NALF1: variants seen among roughly 807,000 people sequenced by gnomAD.
NALF1 encodes NALCN channel auxiliary factor 1.
A neutral mutation model predicts 48.4 loss-of-function variants in NALF1; 3 were observed. That is an observed-to-expected ratio of 0.06 (90% CI 0.03 to 0.16). The LOEUF is 0.16. Ranked by LOEUF, NALF1 falls within the 10% of genes least tolerant of loss-of-function variation. NALF1 has a pLI of 1.00. For missense variants in NALF1, 526 were observed against 571.5 expected (o/e 0.92, Z 0.81); for synonymous variants, 262 against 245.7 (o/e 1.07, Z -0.62).
chr13:107,212,722 A>C (rs544165615), intron 1 of NALF1, among the ~76,000 whole-genome samples: 4 of 152,338 alleles, frequency 2.6e-5, no homozygotes, highest in African/African-American at 9.6e-5. Flanking sequence ...GCTGTAGTAT[A>C]GGAATGAGCC....
rs1878721995 is a variant in NALF1, at chr13:107,168,746, T to C, written c.*1751A>G. 2.6e-5 allele frequency: 4 copies of C among 152,632 alleles called. No homozygotes were observed. Among genetic ancestry groups the C allele is most frequent in the Admixed American group, 2.6e-4 (4 of 15,282 alleles). The allele number at this position is 152,632 out of a possible 1,614,324, so 9.5% of individuals were successfully genotyped here. ...TTTTTTCAAAACAAAATATGCATAC[T>C]GTACGCATGTCGCAGGGTTAAGTAT... On this transcript the variant is annotated 3_prime_UTR_variant, in exon 3 of 3. Coordinates refer to ENST00000375915, the MANE Select transcript of NALF1 (RefSeq NM_001080396.3).
chr13:107,581,929 G>A (rs1003945057), intron 1 of NALF1, among the ~76,000 whole-genome samples: 2 of 152,030 alleles, frequency 1.3e-5, no homozygotes, highest in East Asian at 1.9e-4. Context: ...TTCAGCCTAT[G>A]GTGATCATTC....
intron 1 of NALF1, among the ~76,000 whole-genome samples, chr13:107,690,584 A>G (rs928028665): frequency 6.6e-6 from 1 of 152,214 alleles, no homozygotes; most frequent in Non-Finnish European, 1.5e-5. Flanking sequence ...TTAGGAAATG[A>G]AAGCTAGAGA....
rs181320934 is a variant in NALF1, at chr13:107,805,197, G to A, written c.915+60485C>T. ...AGTCTAATTATGTAACATTAAAAATGACATTAAGTACATTTTACTGTAAGT... is the reference window on the plus strand; with the variant it reads ...AGTCTAATTATGTAACATTAAAAATAACATTAAGTACATTTTACTGTAAGT... On this transcript the variant is annotated intron_variant, in intron 1 of 2. Transcript: ENST00000375915. 1.3e-5 allele frequency among the ~76,000 whole-genome samples: 2 copies of A among 152,204 alleles called. 1 individual carries two copies. Among genetic ancestry groups the A allele is most frequent in the African/African-American group, 4.8e-5 (2 of 41,538 alleles).
At chr13:107,386,317 A>G (rs1484246320) in intron 1 of NALF1, among the ~76,000 whole-genome samples, 1 of 152,226 alleles carries the variant, frequency 6.6e-6, no homozygotes, top group Non-Finnish European at 1.5e-5. Context: ...ACTGTAAGTC[A>G]AATTGCTTAG....
chr13:107,740,722 A>T (rs1335977597), intron 1 of NALF1, among the ~76,000 whole-genome samples: 1 of 152,238 alleles, frequency 6.6e-6, no homozygotes, highest in Admixed American at 6.5e-5. Flanking sequence ...ATAAATGGGC[A>T]TCATTTTCCA....
At chr13:107,396,223 A>G (rs568997321) in intron 1 of NALF1, among the ~76,000 whole-genome samples, 2 of 152,208 alleles carry the variant, frequency 1.3e-5, no homozygotes, top group African/African-American at 4.8e-5. Flanking sequence ...TTATGTCCTC[A>G]TCTAACCTCC....
intron 1 of NALF1, among the ~76,000 whole-genome samples, chr13:107,450,465 T>C (rs528050528): frequency 1.3e-5 from 2 of 152,168 alleles, no homozygotes; most frequent in East Asian, 3.9e-4. Flanking sequence ...TAGAGCTGTT[T>C]TTGCAGTGGG....
chr13:107,441,087 T>C (rs1351038640), intron 1 of NALF1, among the ~76,000 whole-genome samples: 14 of 152,302 alleles, frequency 9.2e-5, no homozygotes, highest in Non-Finnish European at 1.9e-4. Flanking sequence ...TTTGTATAAT[T>C]TGTCATATTG....
intron 1 of NALF1, among the ~76,000 whole-genome samples, chr13:107,393,113 T>C (rs1883654301): frequency 6.6e-6 from 1 of 152,042 alleles, no homozygotes; most frequent in Non-Finnish European, 1.5e-5. Flanking sequence ...TGAGGAAAAA[T>C]AAGCACGAAG....
At chr13:107,197,997 A>C (rs1313098556) in intron 2 of NALF1, among the ~76,000 whole-genome samples, 1 of 152,208 alleles carries the variant, frequency 6.6e-6, no homozygotes, top group Non-Finnish European at 1.5e-5. Context: ...AACCTTAAAT[A>C]TGAACCCATA....
At chr13:107,171,997 T>C (rs1350029712) in intron 2 of NALF1, among the ~76,000 whole-genome samples, 4 of 152,194 alleles carry the variant, frequency 2.6e-5, no homozygotes, top group Non-Finnish European at 5.9e-5. Flanking sequence ...TGCTTCAACC[T>C]AAACAATAAA....
intron 1 of NALF1, among the ~76,000 whole-genome samples, chr13:107,727,043 C>T (rs921703621): frequency 6.9e-6 from 1 of 145,642 alleles, no homozygotes; most frequent in Non-Finnish European, 1.5e-5. Flanking sequence ...AACTCCTGAC[C>T]TCATGATCCT....
chr13:107,587,071 G>C (rs1394889132), intron 1 of NALF1, among the ~76,000 whole-genome samples: 2 of 152,018 alleles, frequency 1.3e-5, no homozygotes, highest in African/African-American at 4.8e-5. Flanking sequence ...TCCTGGTTCT[G>C]AATGATACTT....
chr13:107,828,877 G>T (rs1594298903), intron 1 of NALF1, among the ~76,000 whole-genome samples: 1 of 152,124 alleles, frequency 6.6e-6, no homozygotes, highest in Middle Eastern at 3.4e-3. Flanking sequence ...AGCTTGGGGG[G>T]ACAGTACCAA....
At chr13:107,683,630 G>A (rs2138498041) in intron 1 of NALF1, among the ~76,000 whole-genome samples, 2 of 152,286 alleles carry the variant, frequency 1.3e-5, no homozygotes, top group South Asian at 4.1e-4. Context: ...GTGGCTGCTT[G>A]GTTTTGTCCT....
intron 1 of NALF1, among the ~76,000 whole-genome samples, chr13:107,314,926 G>A (rs1291947352): frequency 1.3e-5 from 2 of 152,112 alleles, no homozygotes; most frequent in Non-Finnish European, 2.9e-5. Context: ...GGTGGAATGA[G>A]GTAATGAATC....
chr13:107,646,745 A>C (rs2138463975), intron 1 of NALF1, among the ~76,000 whole-genome samples: 1 of 152,210 alleles, frequency 6.6e-6, no homozygotes, highest in Non-Finnish European at 1.5e-5. Flanking sequence ...GTATAATATA[A>C]ATCTTTTTAC....
chr13:107,652,769 C>A (rs996672364), intron 1 of NALF1, among the ~76,000 whole-genome samples: 1 of 152,128 alleles, frequency 6.6e-6, no homozygotes, highest in African/African-American at 2.4e-5. Flanking sequence ...GATTTTACTT[C>A]CATTTTATTC....
Sources: allele counts gnomAD v4.1 joint callset (sites outside exome capture counted in the v4.1 genomes callset), GRCh38; gene constraint gnomAD v4.1.1; transcripts MANE v1.5; gene names NCBI Gene and HGNC (gene_info 2026-07-23, HGNC 2026-07-21).